The following EYS variants were observed in gnomAD, a reference collection of about 807,000 sequenced individuals.
EYS encodes the protein EGF-like photoreceptor maintenance factor.
A neutral mutation model predicts 282.1 loss-of-function variants in EYS; 250 were observed. The observed-to-expected ratio is 0.89, with a 90% CI of 0.80 to 0.98. The LOEUF (loss-of-function observed/expected upper bound fraction) is 0.98, where lower values mean the gene tolerates loss of function less well. EYS is among the 50% of genes least tolerant of loss of function. The pLI is 0.00. For synonymous variants in EYS, 1,355 were observed against 1,282.9 expected, an observed-to-expected ratio of 1.06 and a Z score of -1.20; for missense variants, 4,016 against 3,709.0, an observed-to-expected ratio of 1.08 and a Z score of -2.15.
intron 16 of EYS, among the ~76,000 whole-genome samples, chr6:64,908,409 G>A (rs964750277): frequency 6.6e-6 from 1 of 152,120 alleles, no homozygotes; most frequent in African/African-American, 2.4e-5. Flanking sequence ...ACAGCAGTGT[G>A]TTAGCAGCTC....
chr6:65,694,385 C>T (rs1464917863), intron 1 of EYS, among the ~76,000 whole-genome samples: 5 of 133,212 alleles, frequency 3.8e-5, no homozygotes, highest in Non-Finnish European at 5.1e-5. Context: ...CCATTTGATT[C>T]TTCATATTTT....
At chr6:64,617,681 G>C (rs1767318330) in intron 23 of EYS, 148 bp from the exon 24 acceptor site, 1 of 613,422 alleles carries the variant, frequency 1.6e-6, no homozygotes, top group South Asian at 2.0e-5. Flanking sequence ...TTCATGATCA[G>C]TTTATCAGGT....
intron 42 of EYS, among the ~76,000 whole-genome samples, chr6:63,724,158 A>G (rs1411351613): frequency 6.6e-6 from 1 of 152,150 alleles, no homozygotes; most frequent in East Asian, 1.9e-4. Context: ...TACAAGAAAC[A>G]GAGCTCAAAT....
At chr6:65,279,352 GT>G (rs1410471907) in intron 12 of EYS, among the ~76,000 whole-genome samples, 1 of 151,864 alleles carries the variant, frequency 6.6e-6, no homozygotes, top group Non-Finnish European at 1.5e-5. Context: ...TTTCCTTAGA[GT>G]TCTCCCTTTG....
At chr6:64,023,180 A>T (rs1382736619) in intron 33 of EYS, among the ~76,000 whole-genome samples, 1 of 152,262 alleles carries the variant, frequency 6.6e-6, no homozygotes, top group Non-Finnish European at 1.5e-5. Flanking sequence ...TGTAGCAAGT[A>T]TCAGAACTTC....
intron 36 of EYS, among the ~76,000 whole-genome samples, chr6:63,863,676 T>TTTTCTTTTCTTTTC (rs1234597773): frequency 0.01 from 570 of 56,112 alleles, 5 homozygotes; most frequent in South Asian, 0.027. Context: ...TTCTTTTTTC[T>TTTTCTTTTCTTTTC]TTTTTTTTTT....
intron 26 of EYS, among the ~76,000 whole-genome samples, chr6:64,457,789 T>C (rs1416736492): frequency 7.8e-6 from 1 of 128,048 alleles, no homozygotes; most frequent in Non-Finnish European, 1.6e-5. Context: ...TTGGGTCATT[T>C]TTTTTCCCCC....
At chr6:65,365,977 T>C (rs1339094039) in intron 8 of EYS, among the ~76,000 whole-genome samples, 1 of 151,766 alleles carries the variant, frequency 6.6e-6, no homozygotes, top group Non-Finnish European at 1.5e-5. Flanking sequence ...ATAAGAATCA[T>C]GTAGATACCA....
At chr6:65,294,289 G>A (rs1768604518) in intron 12 of EYS, among the ~76,000 whole-genome samples, 1 of 151,894 alleles carries the variant, frequency 6.6e-6, no homozygotes, top group Non-Finnish European at 1.5e-5. Context: ...ACTGTGTGAA[G>A]AGTTTAGAAG....
chr6:65,063,345 A>G (rs1033767929), intron 12 of EYS, among the ~76,000 whole-genome samples: 4 of 152,028 alleles, frequency 2.6e-5, no homozygotes, highest in African/African-American at 9.7e-5. Flanking sequence ...ATTATAAACT[A>G]CATTTATTCT....
rs768229148 is a variant in EYS, at chr6:63,806,344, A to G, written c.7257T>C (p.Ser2419=). The G allele has an allele frequency of 4.1e-5, 63 of 1,549,650 alleles. No individual in the cohort carries two copies. In the Middle Eastern group the frequency reaches 5.0e-4, roughly 12 times the overall value. The change falls in exon 37 of 43, where the codon AGT becomes AGC. Residue 2419 remains serine (S), a synonymous_variant. Transcript: ENST00000503581. ...AGGTGTATCCAAAGGCATCTGTGCC[A>G]CTGAACCTTGGCTGAGTAATATTAA... ...DAINITQPRF[S]GTDAFGYTSF... is the part of the protein sequence containing the mutation.
chr6:64,591,033 A>T lies in EYS; in HGVS notation c.4834T>A (p.Ser1612Thr). 1 of 1,551,334 alleles carries T rather than the reference A, an allele frequency of 6.4e-7. No homozygotes were observed. The change falls in exon 26 of 43, where the codon TCT becomes ACT. Residue 1612 changes from serine to threonine, a missense_variant. Transcript: ENST00000503581. ...GATGGTGTTATTTCAGTAGCAGAAGAAAATGAATGCCCAGAAGTGATAGTT... is the reference window on the plus strand; with the variant it reads ...GATGGTGTTATTTCAGTAGCAGAAGTAAATGAATGCCCAGAAGTGATAGTT... Reference protein sequence around the residue: ...AQTITSGHSFSSATEITPSVA... With the variant: ...AQTITSGHSFTSATEITPSVA...
intron 35 of EYS, among the ~76,000 whole-genome samples, chr6:63,880,247 C>T (rs780161006): frequency 1.0e-3 from 159 of 152,162 alleles, no homozygotes; most frequent in African/African-American, 2.0e-3. Flanking sequence ...CAGCTGCAAG[C>T]GAATATAAAT....
At chr6:64,796,229 A>G (rs569814740) in intron 22 of EYS, among the ~76,000 whole-genome samples, 1 of 152,146 alleles carries the variant, frequency 6.6e-6, no homozygotes, top group Non-Finnish European at 1.5e-5. Flanking sequence ...GAAGCAAACT[A>G]TCTCTGGAAT....
At chr6:64,194,244 C>A (rs1765209871) in intron 31 of EYS, among the ~76,000 whole-genome samples, 1 of 151,968 alleles carries the variant, frequency 6.6e-6, no homozygotes, top group South Asian at 2.1e-4. Flanking sequence ...ATACCTTGTT[C>A]TTTATATTCA....
At chr6:64,461,769 T>C (rs1036756951) in intron 26 of EYS, among the ~76,000 whole-genome samples, 9 of 152,176 alleles carry the variant, frequency 5.9e-5, no homozygotes, top group African/African-American at 2.2e-4. Context: ...TGTGTAAATT[T>C]TGGAAACAAT....
intron 29 of EYS, among the ~76,000 whole-genome samples, chr6:64,362,296 T>C (rs1287272914): frequency 6.6e-6 from 1 of 151,870 alleles, no homozygotes; most frequent in Non-Finnish European, 1.5e-5. Flanking sequence ...CTAGATCATA[T>C]ACTCTAATTT....
intron 12 of EYS, among the ~76,000 whole-genome samples, chr6:65,276,029 A>G (rs773892719): frequency 1.4e-4 from 22 of 152,156 alleles, no homozygotes; most frequent in Non-Finnish European, 3.1e-4. Flanking sequence ...ACCTCATTTC[A>G]TGGCAAATGA....
At chr6:64,763,104 T>A (rs1773214466) in intron 22 of EYS, among the ~76,000 whole-genome samples, 1 of 149,512 alleles carries the variant, frequency 6.7e-6, no homozygotes, top group African/African-American at 2.6e-5. Context: ...TCTTTTATTT[T>A]GAAAAAATAT....
Sources: allele counts gnomAD v4.1 joint callset (sites outside exome capture counted in the v4.1 genomes callset), GRCh38; gene constraint gnomAD v4.1.1; transcripts MANE v1.5; gene names NCBI Gene and HGNC (gene_info 2026-07-23, HGNC 2026-07-21).